MED13L: variants seen among roughly 807,000 people sequenced by gnomAD.
MED13L encodes mediator complex subunit 13L.
In MED13L, 7 loss-of-function variants were observed where a neutral mutation model predicts 220.9. The ratio of observed to expected loss-of-function variants is 0.03; its 90% CI spans 0.02 to 0.06. The LOEUF is 0.06. Ranked by LOEUF, MED13L falls within the 10% of genes least tolerant of loss-of-function variation. The pLI is 1.00. For synonymous variants in MED13L, 1,011 were observed against 1,015.2 expected (o/e 1.00, Z 0.08); for missense variants, 1,965 against 2,760.5 (o/e 0.71, Z 6.46).
chr12:116,061,495 GATA>G (rs1869478670), intron 4 of MED13L, among the ~76,000 whole-genome samples: 1 of 151,964 alleles, frequency 6.6e-6, no homozygotes, highest in Non-Finnish European at 1.5e-5. Flanking sequence ...TACAAAGTAA[GATA>G]ATAATGCCTA....
chr12:116,109,143 T>C (rs934943990), intron 3 of MED13L, among the ~76,000 whole-genome samples: 5 of 130,162 alleles, frequency 3.8e-5, no homozygotes, highest in Non-Finnish European at 7.8e-5. Flanking sequence ...TGAACACAGC[T>C]CACTGCAGCC....
chr12:116,127,498 C>T (rs1875697037), intron 2 of MED13L, among the ~76,000 whole-genome samples: 1 of 152,004 alleles, frequency 6.6e-6, no homozygotes, highest in Non-Finnish European at 1.5e-5. Flanking sequence ...CTATGTAGTC[C>T]GTTAAACAGT....
intron 13 of MED13L, among the ~76,000 whole-genome samples, chr12:116,003,402 T>C (rs545743123): frequency 6.6e-6 from 1 of 152,236 alleles, no homozygotes; most frequent in East Asian, 1.9e-4. Flanking sequence ...AGTGTTACAT[T>C]AGGGTGGTGC....
intron 18 of MED13L, 40 bp downstream of exon 18, chr12:115,987,069 C>T: frequency 6.2e-7 from 1 of 1,602,448 alleles, no homozygotes; most frequent in African/African-American, 1.3e-5. Context: ...CTGAACAGCA[C>T]TGAAGTCAGA....
intron 2 of MED13L, among the ~76,000 whole-genome samples, chr12:116,157,905 G>GC (rs2138122335): frequency 6.6e-6 from 1 of 152,316 alleles, no homozygotes; most frequent in South Asian, 2.1e-4. Context: ...CCTTGCACCA[G>GC]CAACAGTAGG....
chr12:116,138,017 C>T (rs576583984), intron 2 of MED13L, among the ~76,000 whole-genome samples: 2 of 152,044 alleles, frequency 1.3e-5, no homozygotes, highest in African/African-American at 2.4e-5. Context: ...CCACTACATC[C>T]GGCTAATTTT....
chr12:116,001,946 C>G (rs1376545664), intron 14 of MED13L, among the ~76,000 whole-genome samples: 2 of 152,194 alleles, frequency 1.3e-5, no homozygotes, highest in African/African-American at 4.8e-5. Context: ...CATTTCACAT[C>G]ACTACGCATC....
At chr12:116,031,749 AGAAAAGAAAAGAAGGAAGGAAGGAAG>A (rs1880827778) in intron 4 of MED13L, among the ~76,000 whole-genome samples, 1 of 53,556 alleles carries the variant, frequency 1.9e-5, no homozygotes, top group Admixed American at 2.3e-4. Context: ...AGAAAAGAAA[AGAAAAGAAAAGAAGGAAGGAAGGAAG>A]GAAGGAAGGA....
chr12:116,113,004 T>C (rs1026608628), intron 2 of MED13L, among the ~76,000 whole-genome samples: 4 of 152,168 alleles, frequency 2.6e-5, no homozygotes, highest in African/African-American at 9.7e-5. Flanking sequence ...CACTTACAAT[T>C]TTTACCTTCC....
At chr12:116,196,431 A>G (rs1336325485) in intron 2 of MED13L, among the ~76,000 whole-genome samples, 1 of 152,108 alleles carries the variant, frequency 6.6e-6, no homozygotes, top group Non-Finnish European at 1.5e-5. Flanking sequence ...GCTGCAACTT[A>G]ATAGTCCTTT....
At chr12:115,965,767 T>G (rs923831944) in intron 29 of MED13L, among the ~76,000 whole-genome samples, 1 of 152,146 alleles carries the variant, frequency 6.6e-6, no homozygotes, top group Non-Finnish European at 1.5e-5. Flanking sequence ...ACTTTACTGA[T>G]AGTGATGCAA....
intron 4 of MED13L, among the ~76,000 whole-genome samples, chr12:116,066,928 T>C (rs1466643697): frequency 6.6e-6 from 1 of 152,070 alleles, no homozygotes; most frequent in African/African-American, 2.4e-5. Context: ...CTCTATTAAG[T>C]TTAACAAACA....
intron 2 of MED13L, among the ~76,000 whole-genome samples, chr12:116,134,901 G>T (rs1565894065): frequency 6.6e-6 from 1 of 152,168 alleles, no homozygotes; most frequent in Non-Finnish European, 1.5e-5. Context: ...CGGGCGCAGT[G>T]GCTCACACCT....
chr12:116,177,472 C>T (rs143930490), intron 2 of MED13L, among the ~76,000 whole-genome samples: 3 of 152,280 alleles, frequency 2.0e-5, no homozygotes, highest in African/African-American at 7.2e-5. Context: ...ATCTGTGTCT[C>T]CCCAATGAAA....
chr12:116,112,637 CTCTG>C (rs1396121123), intron 2 of MED13L, among the ~76,000 whole-genome samples: 2 of 152,184 alleles, frequency 1.3e-5, no homozygotes, highest in African/African-American at 4.8e-5. Flanking sequence ...CCAAAGCAAT[CTCTG>C]TCTAAAACAG....
intron 16 of MED13L, among the ~76,000 whole-genome samples, chr12:115,994,880 G>C (rs1878298599): frequency 6.6e-6 from 1 of 152,100 alleles, no homozygotes; most frequent in Non-Finnish European, 1.5e-5. Context: ...TTATTTCCAC[G>C]GTACTTCTAC....
At chr12:116,067,937 G>A (rs1259252957) in intron 4 of MED13L, among the ~76,000 whole-genome samples, 3 of 152,156 alleles carry the variant, frequency 2.0e-5, no homozygotes, top group Non-Finnish European at 4.4e-5. Flanking sequence ...AATTACACTA[G>A]CTTATCCAAA....
chr12:116,247,666 G>C (rs1263689529), intron 1 of MED13L, among the ~76,000 whole-genome samples: 1 of 151,688 alleles, frequency 6.6e-6, no homozygotes, highest in Non-Finnish European at 1.5e-5. Flanking sequence ...CATACAATGA[G>C]GTCATATATA....
chr12:116,241,144 T>C (rs1040268948), intron 1 of MED13L, among the ~76,000 whole-genome samples: 1 of 151,018 alleles, frequency 6.6e-6, no homozygotes. Context: ...CCATCTCTAC[T>C]AAAAATACAA....
Sources: gnomAD v4.1 joint callset for allele counts (sites outside exome capture counted in the v4.1 genomes callset) on GRCh38, gnomAD v4.1.1 for gene constraint, MANE v1.5 for transcripts, NCBI Gene and HGNC (gene_info 2026-07-23, HGNC 2026-07-21) for gene names.